CAB39: variants seen among roughly 807,000 people sequenced by gnomAD.
The protein encoded by CAB39 is calcium-binding protein 39.
Under a neutral mutation model 40.0 loss-of-function variants are expected in CAB39, and 8 were observed. That is an observed-to-expected ratio of 0.20 (90% CI 0.12 to 0.36). CAB39 has a LOEUF of 0.36. CAB39 is among the 10% of genes least tolerant of loss of function. The pLI is 1.00. For missense variants in CAB39, 270 were observed against 401.1 expected (o/e 0.67, Z 2.79); for synonymous variants, 156 against 141.6 (o/e 1.10, Z -0.72).
intron 2 of CAB39, among the ~76,000 whole-genome samples, chr2:230,775,231 T>C (rs1254364065): frequency 6.6e-6 from 1 of 151,774 alleles, no homozygotes; most frequent in Non-Finnish European, 1.5e-5. Flanking sequence ...CATTTCTTTT[T>C]TTCTTTTTTC....
chr2:230,719,288 A>G (rs1240666984), intron 1 of CAB39, among the ~76,000 whole-genome samples: 7 of 152,192 alleles, frequency 4.6e-5, no homozygotes, highest in African/African-American at 1.7e-4. Flanking sequence ...GGATAACACA[A>G]ACATTGCACA....
chr2:230,753,255 A>T (rs1695120844), intron 1 of CAB39, among the ~76,000 whole-genome samples: 1 of 152,166 alleles, frequency 6.6e-6, no homozygotes, highest in African/African-American at 2.4e-5. Context: ...TGTTCATTTT[A>T]TATGAAAGTA....
chr2:230,719,173 TGGG>T (rs1559586659), intron 1 of CAB39, among the ~76,000 whole-genome samples: 1 of 152,174 alleles, frequency 6.6e-6, no homozygotes. Flanking sequence ...TTAGTTAGCT[TGGG>T]GGAACAAATT....
rs569182344 is a variant in CAB39, at chr2:230,715,173, T to C, written c.-44+1943T>C. Among the ~76,000 whole-genome samples, 6 of 152,334 alleles carry C rather than the reference T, an allele frequency of 3.9e-5. No homozygotes were observed. The South Asian group carries it at 8.3e-4, about 21-fold the overall frequency. On this transcript the variant is annotated intron_variant, in intron 1 of 8. Transcript: ENST00000258418. The stretch of plus-strand genomic sequence containing the variant: ...ATTAAGCTTTTCTTGTCATTAAATA[T>C]CTTCATATAAAAAATTTTTACTCAA...
chr2:230,756,952 A>G (rs1489310225), intron 1 of CAB39, among the ~76,000 whole-genome samples: 2 of 152,196 alleles, frequency 1.3e-5, no homozygotes, highest in Non-Finnish European at 2.9e-5. Context: ...CGTCCTCCCA[A>G]AGTGCTGGGA....
At chr2:230,717,658 C>T (rs1413046659) in intron 1 of CAB39, among the ~76,000 whole-genome samples, 1 of 152,234 alleles carries the variant, frequency 6.6e-6, no homozygotes, top group African/African-American at 2.4e-5. Flanking sequence ...AGAGTTACTA[C>T]AGGCCTAGGT....
rs549311768 is a variant in CAB39 at position 230,779,894 on chromosome 2, C to A, written c.115-10978C>A. ...GAAAGAAGGAGTGTGAGCATTCAGG[C>A]TTTTATGTTAGCTTGAGTAGAGACA... is the stretch of plus-strand genomic sequence containing the variant. On this transcript the variant is annotated intron_variant, in intron 2 of 8. Coordinates refer to ENST00000258418, the MANE Select transcript of CAB39 (RefSeq NM_016289.4). 5.1e-4 allele frequency among the ~76,000 whole-genome samples: 77 copies of A among 152,222 alleles called. 1 individual carries two copies. The highest frequency in any genetic ancestry group is 1.7e-3 in the African/African-American group (69 of 41,504).
chr2:230,750,652 G>A (rs1695069782), intron 1 of CAB39, among the ~76,000 whole-genome samples: 1 of 151,968 alleles, frequency 6.6e-6, no homozygotes, highest in Non-Finnish European at 1.5e-5. Flanking sequence ...CTTAGTTGCA[G>A]CTAAGAAAAT....
chr2:230,796,368 T>C (rs756096053), intron 4 of CAB39, among the ~76,000 whole-genome samples: 3 of 152,174 alleles, frequency 2.0e-5, no homozygotes, highest in South Asian at 4.1e-4. Context: ...ACTGGCAATT[T>C]ACATGTTAGT....
At chr2:230,812,426 A>G (rs1187737758) in intron 6 of CAB39, among the ~76,000 whole-genome samples, 4 of 152,254 alleles carry the variant, frequency 2.6e-5, no homozygotes, top group Non-Finnish European at 5.9e-5. Flanking sequence ...AAAATCTAAC[A>G]TAACCTGAAG....
Position 230,759,920 on chromosome 2 carries a change from C to G in CAB39, c.-43-39C>G, listed in dbSNP as rs143146979. 157 of 671,500 alleles carry G rather than the reference C, an allele frequency of 2.3e-4. No individual in the cohort carries two copies. The African/African-American group carries it at 2.6e-3, about 11-fold the overall frequency. The allele number at this position is 671,500 out of a possible 1,614,324, so 41.6% of individuals were successfully genotyped here. A position where few individuals can be genotyped will look rare whatever the true frequency, so the allele number is the denominator to read the frequency against. ...TTTAGAAAGTCTGTCTTCCGTTGAT[C>G]CCAGTGTTTGCTCACATGAACCTTG... On this transcript the variant is annotated intron_variant, in intron 1 of 8. Coordinates refer to ENST00000258418, the MANE Select transcript of CAB39 (RefSeq NM_016289.4).
At chr2:230,780,096 C>T (rs1251284860) in intron 2 of CAB39, among the ~76,000 whole-genome samples, 1 of 152,186 alleles carries the variant, frequency 6.6e-6, no homozygotes, top group Non-Finnish European at 1.5e-5. Flanking sequence ...GGCCACAGAA[C>T]TGGCACAATT....
rs907293901 is a variant in CAB39, at chr2:230,820,359, A to C, written c.*1655A>C. On this transcript the variant is annotated 3_prime_UTR_variant, in exon 9 of 9. Coordinates refer to ENST00000258418, the MANE Select transcript of CAB39 (RefSeq NM_016289.4). The stretch of plus-strand genomic sequence containing the variant: ...CTTCAGGAACACCAGTTAGGAAAAT[A>C]GCTCCAGAAAATATAGATATATTTT... 6.6e-6 allele frequency: 1 copy of C among 152,252 alleles called. No individual in the cohort carries two copies. Among genetic ancestry groups the C allele is most frequent in the African/African-American group, 2.4e-5 (1 of 41,456 alleles). The allele number at this position is 152,252 out of a possible 1,614,324, so 9.4% of individuals were successfully genotyped here.
At chr2:230,793,383 TTGCCTTGGG>T in intron 4 of CAB39, 52 bp downstream of exon 4, 1 of 881,382 alleles carries the variant, frequency 1.1e-6, no homozygotes, top group Admixed American at 2.5e-5. Flanking sequence ...AAAGGAAGGA[TTGCCTTGGG>T]AAAAAAAACA....
intron 1 of CAB39, among the ~76,000 whole-genome samples, chr2:230,741,321 T>G (rs942935708): frequency 9.2e-5 from 14 of 152,210 alleles, no homozygotes; most frequent in Admixed American, 7.9e-4. Context: ...TCATGACATC[T>G]CTTTCATTTT....
At chr2:230,742,940 C>G (rs1301271587) in intron 1 of CAB39, among the ~76,000 whole-genome samples, 1 of 152,204 alleles carries the variant, frequency 6.6e-6, no homozygotes, top group Non-Finnish European at 1.5e-5. Context: ...TGTTTTGACT[C>G]TCAGACTGCC....
intron 5 of CAB39, among the ~76,000 whole-genome samples, chr2:230,808,110 A>G (rs1316170730): frequency 6.8e-6 from 1 of 146,538 alleles, no homozygotes; most frequent in Non-Finnish European, 1.5e-5. Flanking sequence ...TTTTGAGGTG[A>G]AGTTTCACTA....
In CAB39 at chr2:230,812,940, G is replaced by A. The variant is rs184267324; in HGVS notation, c.628-1109G>A. On this transcript the variant is annotated intron_variant, in intron 6 of 8. Coordinates refer to ENST00000258418, the MANE Select transcript of CAB39 (RefSeq NM_016289.4). Reference sequence around the variant, plus strand: ...AAAAACTTTTCACAAACAGGCAGCAGGCCATAGTTTGCCATCCCTTGCTCT... The same window carrying A: ...AAAAACTTTTCACAAACAGGCAGCAAGCCATAGTTTGCCATCCCTTGCTCT... 1.2e-4 allele frequency among the ~76,000 whole-genome samples: 18 copies of A among 152,306 alleles called. No individual in the cohort carries two copies. In the East Asian group the frequency reaches 3.5e-3, roughly 29 times the overall value.
At chr2:230,769,822 T>C (rs1044105943) in intron 2 of CAB39, among the ~76,000 whole-genome samples, 2 of 101,694 alleles carry the variant, frequency 2.0e-5, no homozygotes, top group Non-Finnish European at 4.2e-5. Flanking sequence ...CTACTAAAAA[T>C]ACAAAAAAAA....
Sources: gnomAD v4.1 joint callset for allele counts (sites outside exome capture counted in the v4.1 genomes callset) on GRCh38, gnomAD v4.1.1 for gene constraint, MANE v1.5 for transcripts, NCBI Gene and HGNC (gene_info 2026-07-23, HGNC 2026-07-21) for gene names.